FKBP5: variants seen among roughly 807,000 people sequenced by gnomAD.
The protein encoded by FKBP5 is peptidyl-prolyl cis-trans isomerase FKBP5.
Under a neutral mutation model 50.5 loss-of-function variants are expected in FKBP5, and 23 were observed. That is an observed-to-expected ratio of 0.46 (90% confidence interval 0.33 to 0.65). FKBP5 has a LOEUF of 0.65. FKBP5 is among the 30% of genes least tolerant of loss of function. The pLI is 0.02. For missense variants in FKBP5, 411 were observed against 553.1 expected (o/e 0.74, Z 2.58); for synonymous variants, 176 against 190.6 (o/e 0.92, Z 0.63).
At chr6:35,698,793 A>G (rs909108677) in intron 2 of FKBP5, among the ~76,000 whole-genome samples, 15 of 152,192 alleles carry the variant, frequency 9.9e-5, no homozygotes, top group Non-Finnish European at 2.2e-4. Context: ...GGCAGGAGCA[A>G]GAGAGAGAGT....
intron 1 of FKBP5, among the ~76,000 whole-genome samples, chr6:35,725,912 C>T (rs918202861): frequency 9.2e-5 from 14 of 152,150 alleles, no homozygotes; most frequent in African/African-American, 3.4e-4. Context: ...TCCCACAGCT[C>T]GGGGCACCGC....
intron 2 of FKBP5, among the ~76,000 whole-genome samples, chr6:35,710,907 T>C (rs1245420056): frequency 6.6e-6 from 1 of 152,200 alleles, no homozygotes; most frequent in Admixed American, 6.5e-5. Flanking sequence ...GAGTATATAC[T>C]GTGTGACTCC....
intron 2 of FKBP5, among the ~76,000 whole-genome samples, chr6:35,706,424 CAAA>C (rs71002595): frequency 0.051 from 5,347 of 103,838 alleles, 83 homozygotes; most frequent in African/African-American, 0.086. Flanking sequence ...AACTCTGTCT[CAAA>C]AAAAAAAAAA....
chr6:35,722,087 A>G (rs1430912547), intron 1 of FKBP5, among the ~76,000 whole-genome samples: 1 of 143,462 alleles, frequency 7.0e-6, no homozygotes, highest in Non-Finnish European at 1.5e-5. Flanking sequence ...CTGAGTACTC[A>G]GCAGACCCCC....
chr6:35,617,021 C>T (rs923276084), intron 5 of FKBP5, among the ~76,000 whole-genome samples: 3 of 152,116 alleles, frequency 2.0e-5, no homozygotes, highest in Non-Finnish European at 4.4e-5. Context: ...AGGAAGCTAA[C>T]GCCCAGAGGT....
At chr6:35,682,985 A>C (rs1765712961) in intron 1 of FKBP5, among the ~76,000 whole-genome samples, 1 of 151,048 alleles carries the variant, frequency 6.6e-6, no homozygotes, top group Admixed American at 6.6e-5. Context: ...ACATACGTCA[A>C]TCTCTTTAAA....
chr6:35,621,336 A>T (rs1763829662), intron 3 of FKBP5, among the ~76,000 whole-genome samples: 1 of 152,178 alleles, frequency 6.6e-6, no homozygotes, highest in Non-Finnish European at 1.5e-5. Context: ...GCTAAATTAC[A>T]TTTTGGTGGG....
At chr6:35,696,511 C>CAAA (rs5875522) in intron 2 of FKBP5, among the ~76,000 whole-genome samples, 1 of 133,216 alleles carries the variant, frequency 7.5e-6, no homozygotes, top group Non-Finnish European at 1.6e-5. Context: ...GACTCTGTCT[C>CAAA]AAAAAAAAAA....
chr6:35,598,415 G>T (rs563919335), intron 5 of FKBP5, among the ~76,000 whole-genome samples: 156 of 150,538 alleles, frequency 1.0e-3, no homozygotes, highest in Non-Finnish European at 1.8e-3. Context: ...TAGAGACAGG[G>T]TTTCACCATG....
chr6:35,596,105 A>G (rs1030809066), intron 6 of FKBP5, among the ~76,000 whole-genome samples: 2 of 152,174 alleles, frequency 1.3e-5, no homozygotes, highest in Non-Finnish European at 2.9e-5. Flanking sequence ...CTGTAATCCC[A>G]GCACTTTGGG....
rs542782842 is a variant in FKBP5 at position 35,706,489 on chromosome 6, C to T, written c.-20+13839G>A. Among the ~76,000 whole-genome samples the T allele has an allele frequency of 5.3e-5, 8 of 151,142 alleles. No homozygotes were observed. The South Asian group carries it at 1.7e-3, about 32-fold the overall frequency. On this transcript the variant is annotated intron_variant, in intron 2 of 11. Coordinates refer to the FKBP5 transcript ENST00000536438. ...AAGAAATACATAAGAGGATACTGCACCTCACTCATAATGAAAATTATGCAA... is the reference window on the plus strand; with the variant it reads ...AAGAAATACATAAGAGGATACTGCATCTCACTCATAATGAAAATTATGCAA...
chr6:35,575,676 G>C lies in FKBP5; in HGVS notation c.*159C>G. ...TCAGTGAACCCTCCGGGCAGCAGCA[G>C]GGGGGCTGTTTTTGGGAAGCTACTG... On this transcript the variant is annotated 3_prime_UTR_variant, in exon 11 of 11. Coordinates refer to ENST00000357266, the MANE Select transcript of FKBP5 (RefSeq NM_004117.4). The C allele has an allele frequency of 3.1e-6, 2 of 638,882 alleles. No homozygotes were observed. The highest frequency in any genetic ancestry group is 3.6e-5 in the South Asian group (2 of 55,272). 39.6% of individuals were successfully genotyped at this position (638,882 alleles called of 1,614,324 possible).
At chr6:35,680,805 G>A (rs186644972) in intron 1 of FKBP5, among the ~76,000 whole-genome samples, 2 of 152,336 alleles carry the variant, frequency 1.3e-5, no homozygotes, top group Admixed American at 1.3e-4. Context: ...CTTTGCAACA[G>A]CTAGCACATT....
At chr6:35,618,787 C>T (rs555437216) in intron 5 of FKBP5, among the ~76,000 whole-genome samples, 2 of 151,980 alleles carry the variant, frequency 1.3e-5, no homozygotes, top group African/African-American at 2.4e-5. Flanking sequence ...CCCTGCCTCC[C>T]GGGTTCAAGT....
intron 1 of FKBP5, among the ~76,000 whole-genome samples, chr6:35,657,370 C>T (rs4713904): frequency 0.73 from 111,761 of 152,198 alleles, 41,239 homozygotes; most frequent in African/African-American, 0.8. Flanking sequence ...CTGGAGGCTC[C>T]GGGAGAGCAC....
intron 5 of FKBP5, among the ~76,000 whole-genome samples, chr6:35,617,157 C>T (rs1160244843): frequency 1.3e-5 from 2 of 151,990 alleles, no homozygotes; most frequent in African/African-American, 2.4e-5. Context: ...AAACTTATCC[C>T]AAATGGCAAT....
At chr6:35,688,171 C>G (rs1038899931) in intron 1 of FKBP5, among the ~76,000 whole-genome samples, 3 of 152,230 alleles carry the variant, frequency 2.0e-5, no homozygotes, top group Non-Finnish European at 4.4e-5. Context: ...TGTCCCGAGG[C>G]GGCAGGTGAA....
At chr6:35,582,916 A>C in intron 8 of FKBP5, 2 of 901,742 alleles carry the variant, frequency 2.2e-6, no homozygotes, top group Non-Finnish European at 2.7e-6. Context: ...AAAGGAATGT[A>C]AATATGGAAT....
intron 2 of FKBP5, 132 bp from the exon 3 acceptor site, chr6:35,637,290 G>A (rs1764340443): frequency 1.4e-6 from 1 of 739,016 alleles, no homozygotes; most frequent in Non-Finnish European, 2.2e-6. Flanking sequence ...TCTTTCTAAT[G>A]CCTCCCTTCA....
Sources: gnomAD v4.1 joint callset for allele counts (sites outside exome capture counted in the v4.1 genomes callset) on GRCh38, gnomAD v4.1.1 for gene constraint, MANE v1.5 for transcripts, NCBI Gene and HGNC (gene_info 2026-07-23, HGNC 2026-07-21) for gene names.